F8: variants seen among roughly 807,000 people sequenced by gnomAD.
The protein encoded by F8 is coagulation factor VIII.
In F8, 12 loss-of-function variants were observed where a neutral mutation model predicts 140.6. That is an observed-to-expected ratio of 0.09 (90% CI 0.05 to 0.14). The LOEUF (loss-of-function observed/expected upper bound fraction) is 0.14, where lower values mean the gene tolerates loss of function less well. Among genes scored for constraint, F8 ranks in the 10% least tolerant of loss-of-function variants. The pLI is 1.00. For missense variants in F8, 1,354 were observed against 1,720.7 expected (o/e 0.79, Z 3.77); for synonymous variants, 585 against 614.6 (o/e 0.95, Z 0.71).
chrX:154,926,978 G>T (rs1345366350), intron 14 of F8, among the ~76,000 whole-genome samples: 1 of 111,285 alleles, frequency 9.0e-6, no homozygotes, highest in Non-Finnish European at 1.9e-5. Flanking sequence ...GATGAAGAAG[G>T]ACTCGCAAAG....
chrX:154,942,317 A>C (rs1249642715), intron 13 of F8, among the ~76,000 whole-genome samples: 1 of 111,226 alleles, frequency 9.0e-6, no homozygotes, highest in Non-Finnish European at 1.9e-5. Flanking sequence ...AGATGCAATA[A>C]AAAATGATAA....
At chrX:154,987,979 T>C (rs1252940932) in intron 4 of F8, among the ~76,000 whole-genome samples, 2 of 111,950 alleles carry the variant, frequency 1.8e-5, no homozygotes, top group Non-Finnish European at 1.9e-5. Flanking sequence ...CTCGCACCCT[T>C]AATGCTTAGA....
At chrX:154,896,329 C>T (rs2072979275) in intron 21 of F8, 97 bp from the exon 22 acceptor site, 2 of 907,403 alleles carry the variant, frequency 2.2e-6, no homozygotes, top group African/African-American at 3.8e-5. Context: ...TACATTGCTA[C>T]AGGTGTGTCC....
chrX:154,952,208 T>C (rs1287171702), intron 12 of F8, among the ~76,000 whole-genome samples: 1 of 112,466 alleles, frequency 8.9e-6, no homozygotes, highest in Non-Finnish European at 1.9e-5. Flanking sequence ...TCTGTGCCAC[T>C]AGAATTAAAT....
intron 15 of F8, 50 bp downstream of exon 15, chrX:154,906,370 A>G (rs1557276339): frequency 1.8e-6 from 2 of 1,137,729 alleles, no homozygotes; most frequent in South Asian, 4.0e-5. Context: ...TCAGCAAGAA[A>G]ATAAATATAT....
At position 154,930,427 on chromosome X, in the gene F8, CAAG is replaced by C; in HGVS notation, c.3360_3362del (p.Phe1120del). ...TTTGTATCCACCTTGCTGATTCTGG[CAAG>C]AATAGCATCTTAAAGAACGACATAT... On this transcript the variant is annotated inframe_deletion, in exon 14 of 26. Coordinates refer to ENST00000360256, the MANE Select transcript of F8 (RefSeq NM_000132.4). 1.7e-6 allele frequency: 2 copies of C among 1,211,407 alleles called. No individual in the cohort carries two copies. Among genetic ancestry groups the C allele is most frequent in the Admixed American group, 4.4e-5 (2 of 45,973 alleles).
intron 14 of F8, among the ~76,000 whole-genome samples, chrX:154,923,928 C>T (rs782002507): frequency 2.3e-4 from 26 of 111,141 alleles, no homozygotes; most frequent in Non-Finnish European, 3.2e-4. Context: ...GCCAAGATCA[C>T]GCCACTGACT....
chrX:155,018,363 AAC>A (rs2073745077), intron 1 of F8, among the ~76,000 whole-genome samples: 1 of 112,062 alleles, frequency 8.9e-6, no homozygotes, highest in Non-Finnish European at 1.9e-5. Context: ...GACAAAATAA[AAC>A]AGACTGACGA....
intron 15 of F8, 94 bp from the exon 16 acceptor site, chrX:154,905,117 C>A: frequency 1.4e-6 from 1 of 699,884 alleles, no homozygotes; most frequent in Non-Finnish European, 2.2e-6. Context: ...AAATACCTGT[C>A]TTTTGGTCTT....
chrX:154,842,721 A>G (rs782615127), intron 25 of F8, among the ~76,000 whole-genome samples: 1 of 112,342 alleles, frequency 8.9e-6, no homozygotes, highest in East Asian at 2.8e-4. Context: ...CTTTATTTGT[A>G]GCTTATTTGT....
chrX:154,994,845 G>A (rs1302669736), intron 3 of F8, among the ~76,000 whole-genome samples: 2 of 111,891 alleles, frequency 1.8e-5, no homozygotes, highest in African/African-American at 6.5e-5. Flanking sequence ...TCCACATCAG[G>A]AATTCACCTA....
chrX:154,839,974 G>A (rs781954021), intron 25 of F8, among the ~76,000 whole-genome samples: 40 of 112,240 alleles, frequency 3.6e-4, no homozygotes, highest in South Asian at 7.4e-4. Flanking sequence ...AAATGTTTAC[G>A]CTGTATTTGG....
chrX:154,976,059 T>C (rs989690030), intron 6 of F8, among the ~76,000 whole-genome samples: 2 of 110,344 alleles, frequency 1.8e-5, no homozygotes, highest in African/African-American at 3.3e-5. Context: ...CCATGCTTGG[T>C]TAATTTTTGT....
At chrX:154,841,055 T>G (rs2072516192) in intron 25 of F8, among the ~76,000 whole-genome samples, 1 of 111,413 alleles carries the variant, frequency 9.0e-6, no homozygotes, top group African/African-American at 3.3e-5. Flanking sequence ...GCTGGGTGGC[T>G]TACTAGGTTT....
intron 12 of F8, among the ~76,000 whole-genome samples, chrX:154,952,838 G>A (rs918181754): frequency 2.7e-5 from 3 of 111,930 alleles, no homozygotes; most frequent in Admixed American, 9.4e-5. Flanking sequence ...CACTGTGCCC[G>A]GCCTGTTCAG....
chrX:154,838,908 A>G (rs2072495342), intron 25 of F8, among the ~76,000 whole-genome samples: 1 of 108,674 alleles, frequency 9.2e-6, no homozygotes, highest in Admixed American at 9.9e-5. Flanking sequence ...GCTTTTAAAA[A>G]ATGATGCATG....
intron 1 of F8, among the ~76,000 whole-genome samples, chrX:155,017,519 T>C (rs1427672583): frequency 8.9e-6 from 1 of 112,526 alleles, no homozygotes; most frequent in Non-Finnish European, 1.9e-5. Flanking sequence ...TTATCAAAGA[T>C]GAAATCAAAG....
intron 19 of F8, among the ~76,000 whole-genome samples, 166 bp downstream of exon 19, chrX:154,901,885 C>G (rs782794852): frequency 2.3e-4 from 26 of 111,464 alleles, no homozygotes; most frequent in Non-Finnish European, 3.8e-4. Context: ...TATATCTGCC[C>G]TACTCTGAGA....
rs1184930129 is a variant in F8, at chrX:154,972,707, C to CTTT, written c.788-3158_788-3156dup. ...GTTCTTTTCTTTTCTTTCTGTCTTT[C>CTTT]TTTTTTTTTTTTTTTTTTTTTTTTT... On this transcript the variant is annotated intron_variant, in intron 6 of 25. Coordinates refer to ENST00000360256, the MANE Select transcript of F8 (RefSeq NM_000132.4). Among the ~76,000 whole-genome samples the CTTT allele has an allele frequency of 1.3e-3, 72 of 55,268 alleles. 5 individuals carry two copies. The highest frequency in any genetic ancestry group is 3.8e-3 in the African/African-American group (56 of 14,648). The allele number at this position is 55,268 out of a possible 115,157, so 48.0% of individuals were successfully genotyped here.
Sources: allele counts gnomAD v4.1 joint callset (sites outside exome capture counted in the v4.1 genomes callset), GRCh38; gene constraint gnomAD v4.1.1; transcripts MANE v1.5; gene names NCBI Gene and HGNC (gene_info 2026-07-23, HGNC 2026-07-21).